The following DENND1A variants were observed in gnomAD, a reference collection of about 807,000 sequenced individuals.
DENND1A encodes DENN domain-containing protein 1A.
Under a neutral mutation model 113.7 loss-of-function variants are expected in DENND1A, and 51 were observed. The ratio of observed to expected loss-of-function variants is 0.45; its 90% CI spans 0.36 to 0.57. The LOEUF is 0.57. DENND1A is among the 20% of genes least tolerant of loss of function. The pLI is 0.00. For missense variants in DENND1A, 1,258 were observed against 1,395.9 expected, an observed-to-expected ratio of 0.90 and a Z score of 1.57; for synonymous variants, 565 against 570.8, an observed-to-expected ratio of 0.99 and a Z score of 0.14.
intron 11 of DENND1A, among the ~76,000 whole-genome samples, chr9:123,596,346 G>A (rs1013180637): frequency 2.6e-5 from 4 of 152,072 alleles, no homozygotes; most frequent in African/African-American, 9.7e-5. Context: ...CATACACTGT[G>A]GTAATGTTTA....
chr9:123,453,431 T>G (rs1416060438), intron 16 of DENND1A, among the ~76,000 whole-genome samples: 4 of 152,154 alleles, frequency 2.6e-5, no homozygotes, highest in Non-Finnish European at 5.9e-5. Flanking sequence ...CCATGGCGTA[T>G]GCTGTAACAA....
At chr9:123,426,616 C>A (rs1005083106) in intron 19 of DENND1A, among the ~76,000 whole-genome samples, 1 of 152,184 alleles carries the variant, frequency 6.6e-6, no homozygotes, top group African/African-American at 2.4e-5. Context: ...CAAAGCCCAG[C>A]TCAGACCTCC....
chr9:123,604,383 T>A (rs952346379), intron 11 of DENND1A, among the ~76,000 whole-genome samples: 2 of 152,244 alleles, frequency 1.3e-5, no homozygotes, highest in African/African-American at 2.4e-5. Context: ...AATTACTTTA[T>A]ATTTTTCTGC....
intron 1 of DENND1A, among the ~76,000 whole-genome samples, chr9:123,924,929 C>A (rs905088058): frequency 2.0e-5 from 3 of 152,170 alleles, no homozygotes; most frequent in Non-Finnish European, 4.4e-5. Flanking sequence ...ATGACTAATA[C>A]CTCCTCATCC....
At position 123,803,303 on chromosome 9, in the gene DENND1A, G is replaced by A. The variant is rs565489034; in HGVS notation, c.89-10673C>T. On this transcript the variant is annotated intron_variant, in intron 2 of 23. Transcript: ENST00000394215. ...CGATTAATCTCACCTTAAATCTGTG[G>A]TTAGTAACTGTAAGTGAGCTTTAAT... Among the ~76,000 whole-genome samples the A allele has an allele frequency of 6.6e-5, 10 of 152,292 alleles. 1 individual carries two copies. In the South Asian group the frequency reaches 2.1e-3, roughly 32 times the overall value.
chr9:123,907,555 GACAA>G (rs1216367614), intron 1 of DENND1A, among the ~76,000 whole-genome samples: 6 of 139,876 alleles, frequency 4.3e-5, no homozygotes, highest in African/African-American at 1.3e-4. Flanking sequence ...ACCAATAACA[GACAA>G]ACAGAGAGCC....
chr9:123,833,679 T>C (rs1014757502), intron 2 of DENND1A, among the ~76,000 whole-genome samples: 4 of 152,248 alleles, frequency 2.6e-5, no homozygotes, highest in African/African-American at 9.6e-5. Context: ...TTTCTGCACC[T>C]AAGCTTTCTA....
intron 2 of DENND1A, among the ~76,000 whole-genome samples, chr9:123,851,774 C>T (rs1843400163): frequency 1.3e-5 from 2 of 152,202 alleles, no homozygotes; most frequent in African/African-American, 4.8e-5. Context: ...AGAAACACAG[C>T]TAGCCTGGAC....
rs562561990 is a variant in DENND1A at position 123,416,407 on chromosome 9, C to T, written c.1489-4578G>A. ...TCGGGAAGGCCTCTTGACCGCTGAC[C>T]GCTTGAGTGCTCTTTCCACCGCTGA... On this transcript the variant is annotated intron_variant, in intron 19 of 23. Coordinates refer to ENST00000394215, the MANE Select transcript of DENND1A (RefSeq NM_001352964.2). 5.9e-5 allele frequency among the ~76,000 whole-genome samples: 9 copies of T among 152,280 alleles called. 1 individual carries two copies. The South Asian group carries it at 1.2e-3, about 21-fold the overall frequency.
At chr9:123,815,928 T>A (rs1837388613) in intron 2 of DENND1A, among the ~76,000 whole-genome samples, 1 of 145,702 alleles carries the variant, frequency 6.9e-6, no homozygotes, top group Non-Finnish European at 1.5e-5. Context: ...TCAAAGAGAG[T>A]AAGCAGAAAA....
chr9:123,555,062 G>A (rs10986049), intron 13 of DENND1A, among the ~76,000 whole-genome samples: 23,959 of 152,154 alleles, frequency 0.16, 1,943 homozygotes, highest in Admixed American at 0.2. Flanking sequence ...GCAACTAGGG[G>A]TGTCTTCATC....
At chr9:123,644,378 C>A (rs1204513850) in intron 9 of DENND1A, among the ~76,000 whole-genome samples, 292 of 84,034 alleles carry the variant, frequency 3.5e-3, no homozygotes, top group South Asian at 4.1e-3. Flanking sequence ...TTACAAGCTA[C>A]AAAAAAAAAA....
chr9:123,495,141 T>TTCTCTCTCTCTCTC (rs56390148), intron 13 of DENND1A, among the ~76,000 whole-genome samples: 2,785 of 140,536 alleles, frequency 0.02, 93 homozygotes, highest in Non-Finnish European at 0.023. Flanking sequence ...CATTGTCTCT[T>TTCTCTCTCTCTCTC]TCTCTCTCTC....
intron 13 of DENND1A, among the ~76,000 whole-genome samples, chr9:123,526,186 C>CACAT (rs2054828224): frequency 6.6e-6 from 1 of 151,626 alleles, no homozygotes; most frequent in Non-Finnish European, 1.5e-5. Flanking sequence ...CACACACACA[C>CACAT]ATATGCGTAC....
At chr9:123,773,701 GC>G (rs1437928006) in intron 3 of DENND1A, among the ~76,000 whole-genome samples, 1 of 152,058 alleles carries the variant, frequency 6.6e-6, no homozygotes, top group Non-Finnish European at 1.5e-5. Context: ...ACAAAAATTA[GC>G]TTTATTTGGC....
At chr9:123,568,828 G>A (rs527305592) in intron 12 of DENND1A, among the ~76,000 whole-genome samples, 62 of 152,198 alleles carry the variant, frequency 4.1e-4, no homozygotes, top group African/African-American at 1.4e-3. Flanking sequence ...GAAGGGGGGT[G>A]GGAAGTGTGT....
chr9:123,737,234 G>A (rs1488463452), intron 5 of DENND1A, among the ~76,000 whole-genome samples: 7 of 152,054 alleles, frequency 4.6e-5, no homozygotes, highest in African/African-American at 9.7e-5. Flanking sequence ...TCACTCTGTC[G>A]CCCACACTGG....
chr9:123,558,873 C>T (rs1016402574), intron 12 of DENND1A, among the ~76,000 whole-genome samples: 6 of 152,158 alleles, frequency 3.9e-5, no homozygotes, highest in African/African-American at 7.2e-5. Context: ...TTCCTATGTA[C>T]CGAGGACTAT....
intron 1 of DENND1A, among the ~76,000 whole-genome samples, chr9:123,880,035 C>A (rs1026512975): frequency 6.6e-6 from 1 of 152,164 alleles, no homozygotes; most frequent in Non-Finnish European, 1.5e-5. Flanking sequence ...TATTTTGAGA[C>A]AGAGTCTCAC....
Sources: gnomAD v4.1 joint callset for allele counts (sites outside exome capture counted in the v4.1 genomes callset) on GRCh38, gnomAD v4.1.1 for gene constraint, MANE v1.5 for transcripts, NCBI Gene and HGNC (gene_info 2026-07-23, HGNC 2026-07-21) for gene names.